The following ATP8A2 variants were observed in gnomAD, a reference collection of about 807,000 sequenced individuals.
ATP8A2 encodes phospholipid-transporting ATPase IB.
ATP8A2 carries 100 observed loss-of-function variants against 165.6 expected under a neutral mutation model. That is an observed-to-expected ratio of 0.60 (90% CI 0.51 to 0.71). The LOEUF (loss-of-function observed/expected upper bound fraction) is 0.71. Ranked by LOEUF, ATP8A2 falls within the 30% of genes least tolerant of loss-of-function variation. The pLI is 0.00. For missense variants in ATP8A2, 1,227 were observed against 1,479.5 expected (o/e 0.83, Z 2.80); for synonymous variants, 543 against 548.8 (o/e 0.99, Z 0.15).
chr13:25,756,267 C>T (rs753616453), intron 25 of ATP8A2, among the ~76,000 whole-genome samples: 9 of 150,720 alleles, frequency 6.0e-5, no homozygotes, highest in Admixed American at 2.6e-4. Flanking sequence ...ATGGCAATGG[C>T]GGTGTCCCCA....
At position 26,019,563 on chromosome 13, in the gene ATP8A2, G is replaced by A. The variant is rs1255984612; in HGVS notation, c.3470-325G>A. Among the ~76,000 whole-genome samples the A allele has an allele frequency of 4.6e-5, 7 of 152,216 alleles. No individual in the cohort carries two copies. The East Asian group carries it at 5.8e-4, about 13-fold the overall frequency. ...TTTTCTTAATTGGCAGTGGGAAAGT[G>A]GAGTCGGGGACCAGTGACCCACTGT... On this transcript the variant is annotated intron_variant, in intron 36 of 36. Transcript: ENST00000381655.
intron 15 of ATP8A2, 124 bp from the exon 16 acceptor site, chr13:25,563,832 A>T: frequency 1.6e-6 from 1 of 612,948 alleles, no homozygotes; most frequent in Non-Finnish European, 2.9e-6. Flanking sequence ...AGTCTTTAAA[A>T]GTTTAATGTG....
chr13:25,478,298 T>A (rs2036051271), intron 2 of ATP8A2, among the ~76,000 whole-genome samples: 1 of 152,160 alleles, frequency 6.6e-6, no homozygotes, highest in African/African-American at 2.4e-5. Context: ...CTCAGTTTAG[T>A]CATGTGAGCT....
chr13:25,830,711 G>A (rs1951438840), intron 28 of ATP8A2, among the ~76,000 whole-genome samples: 1 of 152,302 alleles, frequency 6.6e-6, no homozygotes, highest in Admixed American at 6.5e-5. Context: ...ACAGTAATTA[G>A]CATTTCCACC....
intron 4 of ATP8A2, 108 bp from the exon 5 acceptor site, chr13:25,532,164 G>C: frequency 1.2e-6 from 1 of 823,880 alleles, no homozygotes; most frequent in Non-Finnish European, 2.0e-6. Flanking sequence ...AGCATTATTG[G>C]CATTTAGTTT....
intron 10 of ATP8A2, 148 bp from the exon 11 acceptor site, chr13:25,551,190 G>A: frequency 1.5e-6 from 1 of 674,356 alleles, no homozygotes; most frequent in Non-Finnish European, 2.5e-6. Flanking sequence ...CAGGAGCATG[G>A]TACACTTTTG....
chr13:25,454,898 G>A (rs117914641), intron 1 of ATP8A2, among the ~76,000 whole-genome samples: 5 of 152,196 alleles, frequency 3.3e-5, no homozygotes, highest in East Asian at 1.9e-4. Context: ...CTCCAGCCTC[G>A]CCGACAGAGT....
At chr13:25,871,297 CAT>C (rs1354224126) in intron 33 of ATP8A2, 18 of 278,810 alleles carry the variant, frequency 6.5e-5, no homozygotes, top group African/African-American at 2.3e-4. Flanking sequence ...TTTCTTGAAA[CAT>C]GTGGAAATGT....
At chr13:25,882,926 ATGATGATGATGATGGTGATGG>A (rs1214222546) in intron 33 of ATP8A2, among the ~76,000 whole-genome samples, 11 of 138,736 alleles carry the variant, frequency 7.9e-5, no homozygotes, top group Admixed American at 7.9e-4. Flanking sequence ...GATGATGATG[ATGATGATGATGATGGTGATGG>A]TGATGATGGT....
chr13:25,679,715 G>A (rs1458710880), intron 24 of ATP8A2, among the ~76,000 whole-genome samples: 1 of 152,170 alleles, frequency 6.6e-6, no homozygotes, highest in Admixed American at 6.5e-5. Flanking sequence ...AACAAAGGTG[G>A]TCATTGTTAA....
At chr13:25,889,891 G>A (rs56236344) in intron 33 of ATP8A2, among the ~76,000 whole-genome samples, 3 of 152,020 alleles carry the variant, frequency 2.0e-5, no homozygotes, top group Non-Finnish European at 4.4e-5. Flanking sequence ...GGCCGGGCGC[G>A]GTGGTTCACG....
chr13:25,567,502 G>A (rs1188680587), intron 16 of ATP8A2: 8 of 412,698 alleles, frequency 1.9e-5, no homozygotes, highest in South Asian at 7.2e-5. Context: ...GTAGGGACAG[G>A]TGCAACCCCT....
intron 33 of ATP8A2, among the ~76,000 whole-genome samples, chr13:25,907,111 T>A (rs1953961617): frequency 6.6e-6 from 1 of 152,112 alleles, no homozygotes; most frequent in African/African-American, 2.4e-5. Flanking sequence ...ACACCTGTAG[T>A]CCCAGCTACT....
chr13:25,753,604 G>C (rs1004837075), intron 25 of ATP8A2, among the ~76,000 whole-genome samples: 7 of 152,190 alleles, frequency 4.6e-5, no homozygotes, highest in Admixed American at 2.0e-4. Flanking sequence ...ATTGCAGGGA[G>C]ATCACAGAGG....
chr13:25,632,127 C>G (rs1463597636), intron 24 of ATP8A2, among the ~76,000 whole-genome samples: 2 of 152,128 alleles, frequency 1.3e-5, no homozygotes, highest in Non-Finnish European at 2.9e-5. Context: ...TATGGATGAA[C>G]AGCCAGATAG....
chr13:25,521,390 T>C (rs1190753245), intron 2 of ATP8A2, among the ~76,000 whole-genome samples: 1 of 152,162 alleles, frequency 6.6e-6, no homozygotes, highest in East Asian at 1.9e-4. Flanking sequence ...TGTAACCTTA[T>C]TTGTCTATTT....
chr13:25,927,329 T>C (rs1308460460), intron 33 of ATP8A2: 1 of 387,562 alleles, frequency 2.6e-6, no homozygotes, highest in East Asian at 7.4e-5. Context: ...GTTCAGTGTT[T>C]GGTTTTTTTC....
At chr13:25,377,156 C>T (rs781752183) in intron 1 of ATP8A2, among the ~76,000 whole-genome samples, 10 of 152,208 alleles carry the variant, frequency 6.6e-5, no homozygotes, top group East Asian at 1.9e-4. Flanking sequence ...ATTTATGAGA[C>T]GAAGTGTATA....
chr13:25,964,084 C>A (rs1955722048), intron 34 of ATP8A2, among the ~76,000 whole-genome samples: 1 of 152,224 alleles, frequency 6.6e-6, no homozygotes, highest in Non-Finnish European at 1.5e-5. Flanking sequence ...ACTCGGCCAC[C>A]CAGCACCTGG....
Sources: allele counts gnomAD v4.1 joint callset (sites outside exome capture counted in the v4.1 genomes callset), GRCh38; gene constraint gnomAD v4.1.1; transcripts MANE v1.5; gene names NCBI Gene and HGNC (gene_info 2026-07-23, HGNC 2026-07-21).